Variants in DMC1 observed in about 807,000 individuals in gnomAD.
The protein encoded by DMC1 is meiotic recombination protein DMC1 homolog.
DMC1 carries 27 observed loss-of-function variants against 50.1 expected under a neutral mutation model. The observed-to-expected ratio is 0.54, with a 90% CI of 0.40 to 0.74. The LOEUF (loss-of-function observed/expected upper bound fraction) is 0.74, where lower values mean the gene tolerates loss of function less well. DMC1 is among the 30% of genes least tolerant of loss of function. DMC1 has a pLI of 0.00. For missense variants in DMC1, 295 were observed against 420.2 expected (o/e 0.70, Z 2.60); for synonymous variants, 148 against 136.1 (o/e 1.09, Z -0.61).
At chr22:38,558,450 C>G (rs2090491582) in intron 5 of DMC1, among the ~76,000 whole-genome samples, 1 of 151,972 alleles carries the variant, frequency 6.6e-6, no homozygotes, top group South Asian at 2.1e-4. Flanking sequence ...CGCAGTGGCT[C>G]ACATCTGTAA....
intron 8 of DMC1, among the ~76,000 whole-genome samples, chr22:38,544,568 G>A (rs574681495): frequency 5.9e-5 from 9 of 152,052 alleles, no homozygotes; most frequent in African/African-American, 1.9e-4. Flanking sequence ...TTGGGCACAC[G>A]TCGTCAGGAC....
chr22:38,552,127 C>T (rs1227904271), intron 7 of DMC1, among the ~76,000 whole-genome samples: 1 of 152,096 alleles, frequency 6.6e-6, no homozygotes, highest in African/African-American at 2.4e-5. Context: ...TCCCAAAGTG[C>T]TGGGATTACA....
At chr22:38,544,654 T>C (rs994855479) in intron 8 of DMC1, among the ~76,000 whole-genome samples, 7 of 150,212 alleles carry the variant, frequency 4.7e-5, no homozygotes, top group African/African-American at 1.7e-4. Flanking sequence ...TGAGACAGAG[T>C]CTTGCTCTGT....
In DMC1 at chr22:38,549,979, C is replaced by T; in HGVS notation, c.440G>A (p.Gly147Glu). 6.2e-7 allele frequency: 1 copy of T among 1,613,532 alleles called. No homozygotes were observed. Among genetic ancestry groups the T allele is most frequent in the Non-Finnish European group, 8.5e-7 (1 of 1,179,646 alleles). The change falls in exon 8 of 14, where the codon GGA becomes GAA. Residue 147 changes from glycine (G) to glutamate (E), a missense_variant. Transcript: ENST00000216024. The stretch of plus-strand genomic sequence containing the variant: ...CTTTCCTCCTGGGTAGCCACCAGCT[C>T]CTGGAAGTTGAGCTGTCACTAGGAA... ...HTLCVTAQLP[G>E]AGGYPGGKII...
At chr22:38,551,549 C>CA (rs1218209127) in intron 7 of DMC1, among the ~76,000 whole-genome samples, 1 of 151,844 alleles carries the variant, frequency 6.6e-6, no homozygotes, top group Admixed American at 6.6e-5. Flanking sequence ...AGGCTGGTCT[C>CA]AAACTCCTGA....
At chr22:38,556,354 A>G (rs1205549622) in intron 5 of DMC1, among the ~76,000 whole-genome samples, 1 of 152,148 alleles carries the variant, frequency 6.6e-6, no homozygotes, top group Non-Finnish European at 1.5e-5. Flanking sequence ...TTGGCCTTCC[A>G]AAGTGCTGGG....
chr22:38,565,695 G>A (rs1194490733), intron 4 of DMC1, among the ~76,000 whole-genome samples: 1 of 152,202 alleles, frequency 6.6e-6, no homozygotes, highest in Admixed American at 6.5e-5. Flanking sequence ...CCCAGGTTAA[G>A]CCTCAATTTG....
intron 5 of DMC1, among the ~76,000 whole-genome samples, chr22:38,561,720 A>C (rs529515997): frequency 2.3e-4 from 35 of 152,304 alleles, no homozygotes; most frequent in African/African-American, 8.4e-4. Flanking sequence ...TACTTAGAGG[A>C]AATACTGCTT....
At chr22:38,527,365 C>T (rs1967863473) in intron 12 of DMC1, among the ~76,000 whole-genome samples, 1 of 151,746 alleles carries the variant, frequency 6.6e-6, no homozygotes, top group African/African-American at 2.4e-5. Flanking sequence ...CCACCAAGCC[C>T]AGCTAATTTT....
intron 4 of DMC1, among the ~76,000 whole-genome samples, chr22:38,564,262 GGAGTTCAAGCCCAGACTGGGCAACATA>G (rs2090558838): frequency 1.3e-5 from 2 of 152,140 alleles, no homozygotes; most frequent in South Asian, 4.1e-4. Context: ...CTTGAACCCA[GGAGTTCAAGCCCAGACTGGGCAACATA>G]GTGAGATACC....
chr22:38,544,538 C>A (rs942377650), intron 8 of DMC1, among the ~76,000 whole-genome samples: 1 of 151,818 alleles, frequency 6.6e-6, no homozygotes, highest in African/African-American at 2.4e-5. Context: ...TGTGTAGAAC[C>A]AAGCTGTGCC....
At chr22:38,549,142 A>G (rs536305079) in intron 8 of DMC1, among the ~76,000 whole-genome samples, 17 of 152,314 alleles carry the variant, frequency 1.1e-4, no homozygotes, top group African/African-American at 3.8e-4. Flanking sequence ...TACACCCACT[A>G]TCTTGTTTCA....
Position 38,555,387 on chromosome 22 carries a change from C to T in DMC1, c.349G>A (p.Glu117Lys), listed in dbSNP as rs2090459121. The change falls in exon 6 of 14, where the codon GAA (glutamate) becomes AAA (lysine). Residue 117 changes from glutamate to lysine, a missense_variant. Transcript: ENST00000216024. ...AAAGCTTCTGTAATTGCCATACTTT[C>T]AATTCCACCTCCTAGTAACTTACTG... ...EFDKLLGGGI[E>K]SMAITEAFGE... The T allele has an allele frequency of 6.2e-7, 1 of 1,609,084 alleles. No homozygotes were observed. Among genetic ancestry groups the T allele is most frequent in the Non-Finnish European group, 8.5e-7 (1 of 1,175,862 alleles).
intron 12 of DMC1, among the ~76,000 whole-genome samples, chr22:38,536,899 G>A (rs2090219131): frequency 6.6e-6 from 1 of 152,142 alleles, no homozygotes; most frequent in African/African-American, 2.4e-5. Flanking sequence ...TGCACAAGCT[G>A]GAGTGCAATG....
Position 38,566,702 on chromosome 22 carries a change from C to T in DMC1, c.131G>A (p.Gly44Glu), listed in dbSNP as rs756693430. 9 of 1,613,618 alleles carry T rather than the reference C, an allele frequency of 5.6e-6. No homozygotes were observed. The highest frequency in any genetic ancestry group is 5.0e-5 in the Admixed American group (3 of 60,000). The change falls in exon 4 of 14, where the codon GGA (glycine) becomes GAA (glutamate). Residue 44 changes from glycine (G) to glutamate (E), a missense_variant. Gly to Glu is a moderately conservative substitution (Grantham distance 98, BLOSUM62 -2). Transcript: ENST00000216024. Reference protein sequence around the residue: ...VADIKKLKSVGICTIKGIQMT... With the variant: ...VADIKKLKSVEICTIKGIQMT... ...CTGTATACCTTTGATGGTACAGATT[C>T]CTACTGATTTCAGTTTCTTAATGTC...
At position 38,539,561 on chromosome 22, in the gene DMC1, A is replaced by T. The variant is rs76325031; in HGVS notation, c.495-149T>A. ...CTAGAGGATGCTAGCAACCATTTAA[A>T]GTCTATACAAGATTTGTTTATTCAT... On this transcript the variant is annotated intron_variant, in intron 8 of 13. Coordinates refer to ENST00000216024, the MANE Select transcript of DMC1 (RefSeq NM_007068.4). The T allele has an allele frequency of 1.3e-4, 89 of 704,604 alleles. No individual in the cohort carries two copies. In the East Asian group the frequency reaches 2.4e-3, roughly 19 times the overall value. 43.6% of individuals were successfully genotyped at this position (704,604 alleles called of 1,614,324 possible).
At chr22:38,512,710 C>G in the DMC1 span, among the ~76,000 whole-genome samples, 1 of 152,314 alleles carries the variant, frequency 6.6e-6, no homozygotes, top group Admixed American at 6.5e-5. Flanking sequence ...GAGAGGCACT[C>G]TGTTGTTACC....
At chr22:38,511,728 G>A in the DMC1 span, among the ~76,000 whole-genome samples, 1 of 152,022 alleles carries the variant, frequency 6.6e-6, no homozygotes, top group African/African-American at 2.4e-5. Context: ...CAGCTGCTGA[G>A]TACCTAGGTC....
At chr22:38,527,602 T>A (rs756078723) in intron 12 of DMC1, among the ~76,000 whole-genome samples, 7 of 145,118 alleles carry the variant, frequency 4.8e-5, no homozygotes, top group Non-Finnish European at 9.0e-5. Context: ...CACTGCAACC[T>A]CTGCTTCCTG....
Sources: gnomAD v4.1 joint callset for allele counts (sites outside exome capture counted in the v4.1 genomes callset) on GRCh38, gnomAD v4.1.1 for gene constraint, MANE v1.5 for transcripts, NCBI Gene and HGNC (gene_info 2026-07-23, HGNC 2026-07-21) for gene names.